Variants in BBS9 observed in about 807,000 individuals in gnomAD.
The protein encoded by BBS9 is protein PTHB1.
A neutral mutation model predicts 117.7 loss-of-function variants in BBS9; 89 were observed. The observed-to-expected ratio is 0.76, with a 90% CI of 0.64 to 0.90. The LOEUF (loss-of-function observed/expected upper bound fraction) is 0.90. Among genes scored for constraint, BBS9 ranks in the 40% least tolerant of loss-of-function variants. BBS9 has a pLI of 0.00. For missense variants in BBS9, 982 were observed against 1,042.2 expected, an observed-to-expected ratio of 0.94 and a Z score of 0.80; for synonymous variants, 379 against 370.9, an observed-to-expected ratio of 1.02 and a Z score of -0.25.
At chr7:33,527,602 C>G (rs374593753) in intron 20 of BBS9, among the ~76,000 whole-genome samples, 1 of 152,212 alleles carries the variant, frequency 6.6e-6, no homozygotes, top group Non-Finnish European at 1.5e-5. Flanking sequence ...CGCCCTGCTT[C>G]GGCTCGCGCA....
At chr7:33,590,937 A>T (rs1027068828) in intron 21 of BBS9, among the ~76,000 whole-genome samples, 3 of 152,072 alleles carry the variant, frequency 2.0e-5, no homozygotes, top group Non-Finnish European at 4.4e-5. Context: ...CTTTTGAAGC[A>T]ACTGGAGAAT....
intron 21 of BBS9, among the ~76,000 whole-genome samples, chr7:33,545,925 T>C (rs1318853029): frequency 7.9e-4 from 29 of 36,504 alleles, no homozygotes; most frequent in Admixed American, 2.3e-3. Flanking sequence ...TTTATAATCC[T>C]TTTTTTTTTT....
At chr7:33,576,787 A>G (rs1278247670) in intron 21 of BBS9, among the ~76,000 whole-genome samples, 2 of 152,222 alleles carry the variant, frequency 1.3e-5, no homozygotes, top group African/African-American at 4.8e-5. Flanking sequence ...GACAAACCTG[A>G]CAAAAACAAG....
intron 9 of BBS9, among the ~76,000 whole-genome samples, chr7:33,310,470 G>A (rs577970968): frequency 2.9e-4 from 44 of 152,146 alleles, no homozygotes; most frequent in Non-Finnish European, 5.3e-4. Context: ...AACACATCCA[G>A]ATGGGCCATG....
chr7:33,242,790 A>G (rs1181693372), intron 5 of BBS9, among the ~76,000 whole-genome samples: 1 of 152,208 alleles, frequency 6.6e-6, no homozygotes, highest in East Asian at 1.9e-4. Flanking sequence ...ATAAAATGCT[A>G]TGGTAATGAT....
At chr7:33,256,918 A>T in intron 5 of BBS9, among the ~76,000 whole-genome samples, 1 of 152,172 alleles carries the variant, frequency 6.6e-6, no homozygotes, top group African/African-American at 2.4e-5. Flanking sequence ...TCTATGATAA[A>T]CTGTATCAGT....
Position 33,273,110 on chromosome 7 carries a change from CT to C in BBS9, c.808del (p.Cys270AlafsTer11). 1 of 1,613,508 alleles carries C rather than the reference CT, an allele frequency of 6.2e-7. No individual in the cohort carries two copies. The highest frequency in any genetic ancestry group is 8.5e-7 in the Non-Finnish European group (1 of 1,179,702). ...SSVFVLGERN[F>X]FCLKDNGQIR... ...CTGTTTTTGTTCTTGGTGAGAGAAACTTTTTTTGCCTTAAGGATAATGGACA... is the reference window on the plus strand; with the variant it reads ...CTGTTTTTGTTCTTGGTGAGAGAAACTTTTTTGCCTTAAGGATAATGGACA... On this transcript the variant is annotated frameshift_variant, in exon 8 of 23. Transcript: ENST00000242067. LOFTEE classifies it high-confidence loss of function.
At chr7:33,547,747 C>T (rs1000146766) in intron 21 of BBS9, among the ~76,000 whole-genome samples, 11 of 152,154 alleles carry the variant, frequency 7.2e-5, no homozygotes, top group Non-Finnish European at 5.9e-5. Context: ...TAGCTTTTCA[C>T]TTTCATAGTT....
intron 16 of BBS9, among the ~76,000 whole-genome samples, chr7:33,361,110 G>T (rs1366451192): frequency 6.6e-6 from 1 of 152,064 alleles, no homozygotes; most frequent in Non-Finnish European, 1.5e-5. Flanking sequence ...TTTCTGCTTA[G>T]GTTTCAATAG....
At chr7:33,398,353 A>T (rs892318619) in intron 19 of BBS9, among the ~76,000 whole-genome samples, 1 of 152,164 alleles carries the variant, frequency 6.6e-6, no homozygotes, top group Non-Finnish European at 1.5e-5. Context: ...ATTATTCCAT[A>T]TATGAGTTAG....
At chr7:33,484,045 T>C (rs575714766) in intron 19 of BBS9, among the ~76,000 whole-genome samples, 1 of 152,354 alleles carries the variant, frequency 6.6e-6, no homozygotes, top group African/African-American at 2.4e-5. Flanking sequence ...GTATTAGTAT[T>C]AAGGCAATGT....
Position 33,409,985 on chromosome 7 carries a change from AAC to A in BBS9, c.2115+21842_2115+21843del, listed in dbSNP as rs1215515963. ...TTATCTGTGATCTCTTCTGCCTTTA[AAC>A]CTTAGGAGTGCTATGATTAAACCTC... On this transcript the variant is annotated intron_variant, in intron 19 of 22. Coordinates refer to ENST00000242067, the MANE Select transcript of BBS9 (RefSeq NM_198428.3). Among the ~76,000 whole-genome samples, 258 of 152,128 alleles carry A rather than the reference AAC, an allele frequency of 1.7e-3. 2 individuals are homozygous for A. The highest frequency in any genetic ancestry group is 5.1e-3 in the Admixed American group (78 of 15,286).
intron 20 of BBS9, 179 bp downstream of exon 20, chr7:33,505,824 G>A (rs1846078004): frequency 1.5e-6 from 1 of 665,744 alleles, no homozygotes; most frequent in Non-Finnish European, 2.5e-6. Context: ...GCCTTTTTCT[G>A]TAGAGCTATT....
rs183100324 is a variant in BBS9 at position 33,234,572 on chromosome 7, T to A, written c.443-22664T>A. On this transcript the variant is annotated intron_variant, in intron 5 of 22. Coordinates refer to ENST00000242067, the MANE Select transcript of BBS9 (RefSeq NM_198428.3). ...TATATTCACATTGTTTTACATTAGA[T>A]CTTCAGAAGCTATTCATCTTGCATA... is the stretch of plus-strand genomic sequence containing the variant. Among the ~76,000 whole-genome samples the A allele has an allele frequency of 1.0e-3, 156 of 152,172 alleles. 1 individual carries two copies. The highest frequency in any genetic ancestry group is 1.8e-3 in the Non-Finnish European group (123 of 67,976).
chr7:33,380,874 C>G (rs940189657), intron 17 of BBS9: 3 of 152,172 alleles, frequency 2.0e-5, no homozygotes, highest in African/African-American at 7.2e-5. Flanking sequence ...CTCAGCTCCC[C>G]CTAGAAGCCT....
At chr7:33,316,059 A>G (rs1234980391) in intron 9 of BBS9, among the ~76,000 whole-genome samples, 3 of 152,172 alleles carry the variant, frequency 2.0e-5, no homozygotes, top group Non-Finnish European at 4.4e-5. Context: ...CTCTCAAGTT[A>G]TAGAACATTT....
chr7:33,430,293 C>T (rs1456305435), intron 19 of BBS9, among the ~76,000 whole-genome samples: 2 of 152,190 alleles, frequency 1.3e-5, no homozygotes, highest in African/African-American at 4.8e-5. Flanking sequence ...TTTCAGTCAA[C>T]AAAAAGAAGA....
chr7:33,605,231 A>G lies in BBS9; in HGVS notation c.*5A>G, dbSNP rs773169259. 3 of 1,612,138 alleles carry G rather than the reference A, an allele frequency of 1.9e-6. No individual in the cohort carries two copies. The highest frequency in any genetic ancestry group is 1.7e-5 in the Admixed American group (1 of 59,970). On this transcript the variant is annotated 3_prime_UTR_variant, in exon 23 of 23. Transcript: ENST00000242067. ...CTCCAAGGAGTCTCGGAATAATTCA[A>G]GTAGAGTTGTTTGGTTGAGAGGAAC... is the stretch of plus-strand genomic sequence containing the variant.
At chr7:33,488,838 C>T (rs1247093283) in intron 19 of BBS9, among the ~76,000 whole-genome samples, 1 of 152,096 alleles carries the variant, frequency 6.6e-6, no homozygotes, top group Non-Finnish European at 1.5e-5. Context: ...GAGCTTATTT[C>T]TGTCCAGAGG....
Sources: allele counts gnomAD v4.1 joint callset (sites outside exome capture counted in the v4.1 genomes callset), GRCh38; gene constraint gnomAD v4.1.1; transcripts MANE v1.5; gene names NCBI Gene and HGNC (gene_info 2026-07-23, HGNC 2026-07-21).